LPAR1: variants seen among roughly 807,000 people sequenced by gnomAD.
LPAR1 encodes the protein lysophosphatidic acid receptor 1, also known as LPA receptor 1.
LPAR1 carries 5 observed loss-of-function variants against 23.8 expected under a neutral mutation model. The observed-to-expected ratio is 0.21, with a 90% CI of 0.11 to 0.44. The LOEUF (loss-of-function observed/expected upper bound fraction) is 0.44. LPAR1 is among the 20% of genes least tolerant of loss of function. LPAR1 has a pLI of 0.99. For synonymous variants in LPAR1, 160 were observed against 164.7 expected, an observed-to-expected ratio of 0.97 and a Z score of 0.22; for missense variants, 311 against 482.8, an observed-to-expected ratio of 0.64 and a Z score of 3.33.
At chr9:110,944,859 CT>C (rs1306567989) in intron 4 of LPAR1, among the ~76,000 whole-genome samples, 3 of 152,086 alleles carry the variant, frequency 2.0e-5, no homozygotes, top group Admixed American at 6.5e-5. Context: ...ATTTTATCAT[CT>C]GTGAAATGAG....
chr9:110,930,785 C>T (rs570682588), intron 5 of LPAR1, among the ~76,000 whole-genome samples: 49 of 151,794 alleles, frequency 3.2e-4, no homozygotes, highest in African/African-American at 1.1e-3. Flanking sequence ...CGTGGTGGCG[C>T]GTGCCTATAG....
In LPAR1 at chr9:110,918,887, T is replaced by G. The variant is rs952853038; in HGVS notation, c.793+22534A>C. On this transcript the variant is annotated intron_variant, in intron 5 of 5. Transcript: ENST00000683809. ...TAAAACAGCATTTTTGAAAAGCTGGTTTTTTTTTTTCCATCTGTACTCAAA... is the reference window on the plus strand; with the variant it reads ...TAAAACAGCATTTTTGAAAAGCTGGGTTTTTTTTTTCCATCTGTACTCAAA... Among the ~76,000 whole-genome samples the G allele has an allele frequency of 3.2e-4, 47 of 144,654 alleles. 1 individual carries two copies. The highest frequency in any genetic ancestry group is 2.0e-3 in the Admixed American group (30 of 14,642). The allele number at this position is 144,654 out of a possible 152,430, so 94.9% of individuals were successfully genotyped here.
chr9:110,964,462 T>C (rs2096123829), intron 4 of LPAR1, among the ~76,000 whole-genome samples: 1 of 152,318 alleles, frequency 6.6e-6, no homozygotes, highest in South Asian at 2.1e-4. Context: ...GATATGCATA[T>C]TAACATAAGG....
intron 5 of LPAR1, among the ~76,000 whole-genome samples, chr9:110,921,325 T>C (rs2093617468): frequency 6.6e-6 from 1 of 152,230 alleles, no homozygotes; most frequent in Non-Finnish European, 1.5e-5. Context: ...AATATTTATG[T>C]TTCCTCTCAT....
chr9:110,920,656 T>C (rs2093563150), intron 5 of LPAR1, among the ~76,000 whole-genome samples: 1 of 152,186 alleles, frequency 6.6e-6, no homozygotes, highest in Admixed American at 6.5e-5. Flanking sequence ...CTACAAGTCC[T>C]AGGTTAGGGT....
chr9:110,965,483 AAAG>A (rs2096181943), intron 4 of LPAR1, among the ~76,000 whole-genome samples: 1 of 152,250 alleles, frequency 6.6e-6, no homozygotes, highest in Non-Finnish European at 1.5e-5. Context: ...ATACTTCTCA[AAAG>A]AAGACATTTA....
At chr9:111,031,821 AAGG>A (rs1414507571) in intron 2 of LPAR1, among the ~76,000 whole-genome samples, 13 of 152,220 alleles carry the variant, frequency 8.5e-5, no homozygotes, top group African/African-American at 2.4e-4. Flanking sequence ...ATAAAATGAA[AAGG>A]AGATTACCGG....
intron 5 of LPAR1, among the ~76,000 whole-genome samples, chr9:110,918,636 G>A (rs1413810634): frequency 1.3e-5 from 2 of 152,062 alleles, no homozygotes; most frequent in Non-Finnish European, 2.9e-5. Flanking sequence ...CAAACAGAAG[G>A]GATGAAGGAA....
rs185074799 is a variant in LPAR1, at chr9:111,000,033, C to T, written c.-181-26475G>A. On this transcript the variant is annotated intron_variant, in intron 2 of 5. Coordinates refer to ENST00000683809, the MANE Select transcript of LPAR1 (RefSeq NM_001351411.2). ...GACTGTAGGGTCTCTTTTATAAGGC[C>T]CCTAATCTCATTCATGAGGGCGGAG... is the stretch of plus-strand genomic sequence containing the variant. Among the ~76,000 whole-genome samples, 8 of 152,122 alleles carry T rather than the reference C, an allele frequency of 5.3e-5. No individual in the cohort carries two copies. In the East Asian group the frequency reaches 1.6e-3, roughly 30 times the overall value.
At position 110,957,350 on chromosome 9, in the gene LPAR1, A is replaced by AAAAAT. The variant is rs1554710949; in HGVS notation, c.45+14722_45+14723insATTTT. Among the ~76,000 whole-genome samples the AAAAAT allele has an allele frequency of 3.2e-4, 47 of 147,856 alleles. 1 individual carries two copies. The highest frequency in any genetic ancestry group is 1.1e-3 in the African/African-American group (44 of 40,364). On this transcript the variant is annotated intron_variant, in intron 4 of 5. Coordinates refer to ENST00000683809, the MANE Select transcript of LPAR1 (RefSeq NM_001351411.2). ...GTGATACTCTGTCTCAAAAAAAAAAAAATAATAATAATAATAATAATGCAC... is the reference window on the plus strand; with the variant it reads ...GTGATACTCTGTCTCAAAAAAAAAAAAAAATAATAATAATAATAATAATAATGCAC...
chr9:110,958,896 G>A lies in LPAR1; in HGVS notation c.45+13177C>T, dbSNP rs550337172. Among the ~76,000 whole-genome samples the A allele has an allele frequency of 3.6e-4, 55 of 151,244 alleles. No homozygotes were observed. The South Asian group carries it at 0.012, about 32-fold the overall frequency. On this transcript the variant is annotated intron_variant, in intron 4 of 5. Coordinates refer to ENST00000683809, the MANE Select transcript of LPAR1 (RefSeq NM_001351411.2). ...AAGCAAATAATCTCATTAAAAAGTG[G>A]GCAAAGGATATGAATACACTTTCTC...
At chr9:110,976,879 C>T (rs1470429820) in intron 2 of LPAR1, among the ~76,000 whole-genome samples, 1 of 152,100 alleles carries the variant, frequency 6.6e-6, no homozygotes, top group Non-Finnish European at 1.5e-5. Context: ...GTCTAAATTA[C>T]CTCAATATCC....
At chr9:110,979,526 T>C (rs1243530694) in intron 2 of LPAR1, among the ~76,000 whole-genome samples, 2 of 152,156 alleles carry the variant, frequency 1.3e-5, no homozygotes, top group Non-Finnish European at 2.9e-5. Context: ...TTGATTTCAA[T>C]ATGCCCACAT....
intron 5 of LPAR1, among the ~76,000 whole-genome samples, chr9:110,882,259 A>C (rs1440353051): frequency 1.3e-5 from 2 of 152,212 alleles, no homozygotes; most frequent in Admixed American, 1.3e-4. Flanking sequence ...TCATGAAGGA[A>C]GGAATGCTAC....
At chr9:110,885,729 C>T (rs1157715534) in intron 5 of LPAR1, among the ~76,000 whole-genome samples, 1 of 152,224 alleles carries the variant, frequency 6.6e-6, no homozygotes, top group Non-Finnish European at 1.5e-5. Flanking sequence ...CTTCTGATTT[C>T]TACCCAGCTC....
In LPAR1 at chr9:110,909,729, G is replaced by GTATTTATTTATTTATTTATT. The variant is rs56693702; in HGVS notation, c.793+31672_793+31691dup. On this transcript the variant is annotated intron_variant, in intron 5 of 5. Transcript: ENST00000683809. ...TGTTTTGCTTCATTTATTAAATAAA[G>GTATTTATTTATTTATTTATT]TATTTATTTATTTATTTATTTATTT... Among the ~76,000 whole-genome samples, 110 of 147,874 alleles carry GTATTTATTTATTTATTTATT rather than the reference G, an allele frequency of 7.4e-4. 1 individual carries two copies. The highest frequency in any genetic ancestry group is 2.1e-3 in the African/African-American group (85 of 39,882).
At chr9:110,916,293 G>A (rs1035449996) in intron 5 of LPAR1, among the ~76,000 whole-genome samples, 1 of 152,172 alleles carries the variant, frequency 6.6e-6, no homozygotes, top group Non-Finnish European at 1.5e-5. Flanking sequence ...GGGCAATACA[G>A]CTAGGAATGA....
chr9:110,957,702 T>G (rs998674227), intron 4 of LPAR1, among the ~76,000 whole-genome samples: 4 of 151,988 alleles, frequency 2.6e-5, no homozygotes, highest in African/African-American at 7.2e-5. Context: ...CTTTCACCAC[T>G]CCTAGTCAAC....
rs182553945 is a variant in LPAR1, at chr9:111,013,280, T to G, written c.-182+22842A>C. Among the ~76,000 whole-genome samples the G allele has an allele frequency of 2.5e-4, 38 of 152,182 alleles. 1 individual carries two copies. The highest frequency in any genetic ancestry group is 2.4e-3 in the Admixed American group (36 of 15,278). ...CAGACAAAACATCCTACCACAAAAC[T>G]AAATCTGAAAATGTCCAGGACCAAC... On this transcript the variant is annotated intron_variant, in intron 2 of 5. Transcript: ENST00000683809.
Sources: allele counts gnomAD v4.1 joint callset (sites outside exome capture counted in the v4.1 genomes callset), GRCh38; gene constraint gnomAD v4.1.1; transcripts MANE v1.5; gene names NCBI Gene and HGNC (gene_info 2026-07-23, HGNC 2026-07-21).